The following PARVA variants were observed in gnomAD, a reference collection of about 807,000 sequenced individuals.
PARVA encodes the protein parvin alpha.
Under a neutral mutation model 52.6 loss-of-function variants are expected in PARVA, and 25 were observed. That is an observed-to-expected ratio of 0.48 (90% CI 0.35 to 0.66). The LOEUF is 0.66. PARVA is among the 30% of genes least tolerant of loss of function. The pLI, the probability that PARVA is intolerant of heterozygous loss-of-function variation, is 0.01. For missense variants in PARVA, 373 were observed against 450.9 expected, an observed-to-expected ratio of 0.83 and a Z score of 1.56; for synonymous variants, 185 against 179.1, an observed-to-expected ratio of 1.03 and a Z score of -0.26.
At chr11:12,408,903 C>G (rs906752023) in intron 1 of PARVA, among the ~76,000 whole-genome samples, 1 of 152,126 alleles carries the variant, frequency 6.6e-6, no homozygotes. Context: ...TGAAGTGGGA[C>G]TAACTATGAT....
At chr11:12,409,887 T>C (rs1180033918) in intron 1 of PARVA, among the ~76,000 whole-genome samples, 1 of 152,254 alleles carries the variant, frequency 6.6e-6, no homozygotes, top group East Asian at 1.9e-4. Flanking sequence ...AGTATTACCC[T>C]TGACCCATGC....
chr11:12,510,888 CA>C (rs540781863), intron 7 of PARVA, among the ~76,000 whole-genome samples: 5 of 152,044 alleles, frequency 3.3e-5, no homozygotes, highest in African/African-American at 4.8e-5. Flanking sequence ...AGTCACACAG[CA>C]AAAAAATCAC....
chr11:12,443,412 C>T (rs1189931898), intron 1 of PARVA, among the ~76,000 whole-genome samples: 4 of 151,756 alleles, frequency 2.6e-5, no homozygotes, highest in Non-Finnish European at 4.4e-5. Flanking sequence ...CCTCATGATC[C>T]GCCCACCTTG....
intron 1 of PARVA, among the ~76,000 whole-genome samples, chr11:12,407,240 G>A (rs1430539130): frequency 6.6e-6 from 1 of 152,120 alleles, no homozygotes; most frequent in East Asian, 1.9e-4. Context: ...TTAGCATCTG[G>A]AAATATCAAT....
At chr11:12,394,921 A>G (rs990317442) in intron 1 of PARVA, among the ~76,000 whole-genome samples, 1 of 151,936 alleles carries the variant, frequency 6.6e-6, no homozygotes, top group Admixed American at 6.6e-5. Context: ...GTGAAACCCC[A>G]TCTCTACTAA....
chr11:12,421,881 A>T (rs1169766966), intron 1 of PARVA, among the ~76,000 whole-genome samples: 3 of 152,246 alleles, frequency 2.0e-5, no homozygotes, highest in African/African-American at 7.2e-5. Flanking sequence ...AAGTTCTAGA[A>T]ATATGGAACA....
chr11:12,411,595 G>C (rs541542644), intron 1 of PARVA, among the ~76,000 whole-genome samples: 3 of 151,972 alleles, frequency 2.0e-5, no homozygotes, highest in African/African-American at 7.3e-5. Context: ...TGATGGCCTC[G>C]GCACTTTTTA....
chr11:12,527,223 G>C (rs780256242), intron 12 of PARVA, among the ~76,000 whole-genome samples: 3 of 152,138 alleles, frequency 2.0e-5, no homozygotes, highest in Non-Finnish European at 4.4e-5. Flanking sequence ...AAGGCAAAGA[G>C]GGAGGATGGG....
intron 1 of PARVA, chr11:12,453,087 G>GC (rs2135016110): frequency 7.0e-6 from 3 of 430,880 alleles, no homozygotes; most frequent in East Asian, 7.2e-5. Flanking sequence ...ATTCTTTGTT[G>GC]GGGGGGCGCC....
At chr11:12,490,343 G>A (rs777362367) in intron 4 of PARVA, among the ~76,000 whole-genome samples, 5 of 151,944 alleles carry the variant, frequency 3.3e-5, no homozygotes, top group African/African-American at 7.3e-5. Context: ...GATCAACATG[G>A]TGAAACCCCA....
At chr11:12,499,792 A>G (rs112828337) in intron 5 of PARVA, among the ~76,000 whole-genome samples, 8 of 152,250 alleles carry the variant, frequency 5.3e-5, no homozygotes, top group African/African-American at 1.9e-4. Flanking sequence ...GTGTGTAATA[A>G]GTAGTGTATA....
intron 1 of PARVA, among the ~76,000 whole-genome samples, chr11:12,382,560 T>G (rs184103395): frequency 6.6e-6 from 1 of 152,142 alleles, no homozygotes; most frequent in Non-Finnish European, 1.5e-5. Flanking sequence ...AATAATTTCA[T>G]GTAAAAAATG....
intron 1 of PARVA, among the ~76,000 whole-genome samples, chr11:12,416,938 A>G (rs1940074957): frequency 6.6e-6 from 1 of 152,194 alleles, no homozygotes; most frequent in Non-Finnish European, 1.5e-5. Flanking sequence ...GTGGGTCTCT[A>G]GTAATCTTTA....
At chr11:12,446,424 GAACAGTGTGATGATATGC>G (rs1183673576) in intron 1 of PARVA, among the ~76,000 whole-genome samples, 6 of 152,118 alleles carry the variant, frequency 3.9e-5, no homozygotes, top group Non-Finnish European at 5.9e-5. Context: ...CCTTCCTAGA[GAACAGTGTGATGATATGC>G]AAAAAAGATC....
chr11:12,457,733 G>C (rs1396516550), intron 1 of PARVA, among the ~76,000 whole-genome samples: 3 of 152,244 alleles, frequency 2.0e-5, no homozygotes, highest in Admixed American at 2.0e-4. Context: ...GCAGGACAGT[G>C]GTGCACAAAG....
intron 12 of PARVA, among the ~76,000 whole-genome samples, chr11:12,522,850 G>A (rs571762180): frequency 6.6e-6 from 1 of 151,300 alleles, no homozygotes; most frequent in South Asian, 2.1e-4. Flanking sequence ...AATACAAAAA[G>A]AGGCAACATT....
intron 1 of PARVA, among the ~76,000 whole-genome samples, chr11:12,454,850 T>TA (rs902233439): frequency 6.6e-6 from 1 of 152,236 alleles, no homozygotes; most frequent in African/African-American, 2.4e-5. Context: ...TATATTCATG[T>TA]AAAAAAATTA....
upstream of PARVA, chr11:12,376,723 A>G: frequency 1.0e-6 from 1 of 984,778 alleles, no homozygotes; most frequent in South Asian, 4.7e-5. Context: ...CCAGAGTGAG[A>G]ACTTGAGATG....
At chr11:12,496,403 A>G in intron 4 of PARVA, 55 bp from the exon 5 acceptor site, 2 of 1,564,378 alleles carry the variant, frequency 1.3e-6, no homozygotes, top group African/African-American at 2.7e-5. Context: ...TGCATGCAGT[A>G]GGGTTGTCTG....
Sources: gnomAD v4.1 joint callset for allele counts (sites outside exome capture counted in the v4.1 genomes callset) on GRCh38, gnomAD v4.1.1 for gene constraint, MANE v1.5 for transcripts, NCBI Gene and HGNC (gene_info 2026-07-23, HGNC 2026-07-21) for gene names.